The following PGF variants were observed in gnomAD, a reference collection of about 807,000 sequenced individuals.
PGF encodes the protein placenta growth factor.
A neutral mutation model predicts 25.3 loss-of-function variants in PGF; 11 were observed. The ratio of observed to expected loss-of-function variants is 0.43; its 90% CI spans 0.27 to 0.72. PGF has a LOEUF of 0.72. Among genes scored for constraint, PGF ranks in the 30% least tolerant of loss-of-function variants. The pLI is 0.18. For missense variants in PGF, 230 were observed against 234.9 expected (o/e 0.98, Z 0.14); for synonymous variants, 105 against 97.9 (o/e 1.07, Z -0.43).
At chr14:74,942,839 A>G (rs1163795690) in intron 6 of PGF, 106 bp from the exon 7 acceptor site, 2 of 1,043,768 alleles carry the variant, frequency 1.9e-6, no homozygotes, top group Non-Finnish European at 2.8e-6. Context: ...TTGGGCAGGG[A>G]GCATGGGGAG....
Position 74,953,760 on chromosome 14 carries a change from C to A in PGF, c.118+144G>T. On this transcript the variant is annotated intron_variant, in intron 2 of 6. Transcript: ENST00000555567. The surrounding 1 kb of genome is among the most constrained non-coding windows in gnomAD (Gnocchi z 5.4). ...CATGAGGGGATCTCTTAGGCCCTGCCAAAGTCATCACCCAGCATGTCTAGC... is the reference window on the plus strand; with the variant it reads ...CATGAGGGGATCTCTTAGGCCCTGCAAAAGTCATCACCCAGCATGTCTAGC... 1 of 848,634 alleles carries A rather than the reference C, an allele frequency of 1.2e-6. No individual in the cohort carries two copies. Among genetic ancestry groups the A allele is most frequent in the Non-Finnish European group, 2.0e-6 (1 of 500,632 alleles). The allele number at this position is 848,634 out of a possible 1,614,324, so 52.6% of individuals were successfully genotyped here.
intron 2 of PGF, among the ~76,000 whole-genome samples, chr14:74,951,967 G>A (rs865930220): frequency 6.6e-6 from 1 of 152,304 alleles, no homozygotes; most frequent in African/African-American, 2.4e-5. Context: ...CTGCTCAGCT[G>A]TCCCCGAGAG....
rs1318375038 is a variant in PGF at position 74,950,162 on chromosome 14, A to T, written c.119-609T>A. On this transcript the variant is annotated intron_variant, in intron 2 of 6. Transcript: ENST00000555567. This position sits in a 1 kb window ranked among gnomAD's most constrained non-coding sequence, Gnocchi z 4.1. Reference sequence around the variant, plus strand: ...CTGGCTTGTGCACTCTGCAGCCCGTACAGCTGCTCTTCTTCCCCCTCCTCT... The same window carrying T: ...CTGGCTTGTGCACTCTGCAGCCCGTTCAGCTGCTCTTCTTCCCCCTCCTCT... 6.6e-6 allele frequency among the ~76,000 whole-genome samples: 1 copy of T among 151,912 alleles called. No individual in the cohort carries two copies. The highest frequency in any genetic ancestry group is 1.5e-5 in the Non-Finnish European group (1 of 68,008).
At chr14:74,946,809 C>T (rs952553142) in intron 4 of PGF, 2 of 734,920 alleles carry the variant, frequency 2.7e-6, no homozygotes, top group African/African-American at 1.7e-5. Context: ...GATGGCCAGA[C>T]AGCGGACTGG....
intron 3 of PGF, 140 bp from the exon 4 acceptor site, chr14:74,948,723 T>C: frequency 1.9e-6 from 1 of 523,516 alleles, no homozygotes; most frequent in Non-Finnish European, 3.4e-6. Context: ...ACTCTGAACG[T>C]GGGGCAAACA....
chr14:74,943,992 T>C (rs1270041422), intron 6 of PGF, among the ~76,000 whole-genome samples: 2 of 151,674 alleles, frequency 1.3e-5, no homozygotes, highest in Admixed American at 6.6e-5. Context: ...TAGGCTGAAA[T>C]TCTTGGGGGT....
Position 74,955,236 on chromosome 14 carries a change from C to T in PGF, c.7G>A (p.Val3Ile), listed in dbSNP as rs1888960651. The T allele has an allele frequency of 2.0e-6, 3 of 1,473,000 alleles. No individual in the cohort carries two copies. The highest frequency in any genetic ancestry group is 2.7e-6 in the Non-Finnish European group (3 of 1,103,336). 91.2% of individuals were successfully genotyped at this position (1,473,000 alleles called of 1,614,324 possible). A position where few individuals can be genotyped will look rare whatever the true frequency, so the allele number is the denominator to read the frequency against. ...AGGAAGCAAGGGAACAGCCTCATGACCGGCATCTTCTCAGACGTCCCGAGC... is the reference window on the plus strand; with the variant it reads ...AGGAAGCAAGGGAACAGCCTCATGATCGGCATCTTCTCAGACGTCCCGAGC... Reference protein sequence around the residue: MPVMRLFPCFLQL... With the variant: MPIMRLFPCFLQL... Residue 3 changes from valine (V) to isoleucine (I), a missense_variant, in exon 1 of 7, where the codon GTC (valine) becomes ATC (isoleucine). Val to Ile is a conservative substitution (Grantham distance 29, BLOSUM62 3). Coordinates refer to ENST00000555567, the MANE Select transcript of PGF (RefSeq NM_002632.6). This position sits in a 1 kb window ranked among gnomAD's most constrained non-coding sequence, Gnocchi z 4.1.
At chr14:74,951,537 C>G (rs1888871817) in intron 2 of PGF, among the ~76,000 whole-genome samples, 1 of 152,242 alleles carries the variant, frequency 6.6e-6, no homozygotes, top group Admixed American at 6.5e-5. Flanking sequence ...GCCCTGGGAC[C>G]AGCCGTCAGC....
At chr14:74,946,745 T>C (rs1208532176) in intron 4 of PGF, 1 of 702,106 alleles carries the variant, frequency 1.4e-6, no homozygotes, top group Non-Finnish European at 2.6e-6. Context: ...TCTTTGCTGC[T>C]TTTTTCCGTT....
chr14:74,951,497 G>A (rs1415422737), intron 2 of PGF, among the ~76,000 whole-genome samples: 1 of 152,226 alleles, frequency 6.6e-6, no homozygotes, highest in Non-Finnish European at 1.5e-5. Context: ...ATAATGAGCT[G>A]CCAAAGCACC....
In PGF at chr14:74,942,127, G is replaced by C. The variant is rs1245776104; in HGVS notation, c.*579C>G. The C allele has an allele frequency of 1.3e-5, 2 of 156,454 alleles. No homozygotes were observed. Among genetic ancestry groups the C allele is most frequent in the African/African-American group, 4.8e-5 (2 of 41,484 alleles). The allele number at this position is 156,454 out of a possible 1,614,324, so 9.7% of individuals were successfully genotyped here. On this transcript the variant is annotated 3_prime_UTR_variant, in exon 7 of 7. Transcript: ENST00000555567. ...TGTCCCAGTACAAGCAAATGGCAAA[G>C]TGTGAGGGGAGATCACGGGGGACAA...
intron 1 of PGF, among the ~76,000 whole-genome samples, chr14:74,954,726 TG>T (rs1231557618): frequency 6.6e-6 from 1 of 151,814 alleles, no homozygotes. Context: ...TGAGCCCTGG[TG>T]GGGGCAGGGC....
chr14:74,944,228 G>A (rs902911141), intron 6 of PGF, among the ~76,000 whole-genome samples: 16 of 151,162 alleles, frequency 1.1e-4, no homozygotes, highest in African/African-American at 3.4e-4. Flanking sequence ...TCAGCCTCCC[G>A]AGTAGCTGGG....
At chr14:74,946,872 G>C in intron 4 of PGF, 1 of 760,940 alleles carries the variant, frequency 1.3e-6, no homozygotes, top group South Asian at 1.4e-5. Flanking sequence ...GGGAGTGAGC[G>C]ACGGGGTGGG....
chr14:74,944,190 C>T (rs1282919341), intron 6 of PGF, among the ~76,000 whole-genome samples: 2 of 150,468 alleles, frequency 1.3e-5, no homozygotes, highest in Admixed American at 6.6e-5. Flanking sequence ...GCAAGTTCCG[C>T]CTCCCGGGTT....
chr14:74,942,424 G>A lies in PGF; in HGVS notation c.*282C>T, dbSNP rs562803767. 2.3e-6 allele frequency: 1 copy of A among 442,212 alleles called. No homozygotes were observed. The highest frequency in any genetic ancestry group is 2.4e-5 in the South Asian group (1 of 41,438). 27.4% of individuals were successfully genotyped at this position (442,212 alleles called of 1,614,324 possible). ...GCCCCTGGAGACCTCCAGGGCCTCT[G>A]GGGCCTAGCTTGCCCCTCACGAGGC... is the stretch of plus-strand genomic sequence containing the variant. On this transcript the variant is annotated 3_prime_UTR_variant, in exon 7 of 7. Transcript: ENST00000555567.
At position 74,949,573 on chromosome 14, in the gene PGF, C is replaced by T. The variant is rs758652021; in HGVS notation, c.119-20G>A. On this transcript the variant is annotated intron_variant, in intron 2 of 6. Coordinates refer to ENST00000555567, the MANE Select transcript of PGF (RefSeq NM_002632.6). ...GTACCACTGCGAGGAAGCAAGGGGG[C>T]TGGGTCAGGCCAGCAGAGACCTGCC... 3.9e-6 allele frequency: 6 copies of T among 1,532,848 alleles called. No homozygotes were observed. In the South Asian group the frequency reaches 7.6e-5, roughly 19 times the overall value. 95.0% of individuals were successfully genotyped at this position (1,532,848 alleles called of 1,614,324 possible).
chr14:74,946,339 A>G, intron 5 of PGF, 40 bp downstream of exon 5: 1 of 1,613,980 alleles, frequency 6.2e-7, no homozygotes, highest in South Asian at 1.1e-5. Context: ...AGAGGCTGGC[A>G]GGCCCGAGAA....
chr14:74,942,373 C>T lies in PGF; in HGVS notation c.*333G>A, dbSNP rs1888621212. 2 of 320,322 alleles carry T rather than the reference C, an allele frequency of 6.2e-6. No individual in the cohort carries two copies. The highest frequency in any genetic ancestry group is 3.2e-5 in the South Asian group (1 of 31,628). 19.8% of individuals were successfully genotyped at this position (320,322 alleles called of 1,614,324 possible). A position where few individuals can be genotyped will look rare whatever the true frequency, so the allele number is the denominator to read the frequency against. On this transcript the variant is annotated 3_prime_UTR_variant, in exon 7 of 7. Coordinates refer to ENST00000555567, the MANE Select transcript of PGF (RefSeq NM_002632.6). ...GAGCCTGAGGCCCAAGAACAGGTAG[C>T]AGGGCCCCCTTCTTTCCTTCTGCAG...
Sources: gnomAD v4.1 joint callset for allele counts (sites outside exome capture counted in the v4.1 genomes callset) on GRCh38, gnomAD v4.1.1 for gene constraint, Gnocchi (gnomAD v3.1) non-coding constraint, MANE v1.5 for transcripts, NCBI Gene and HGNC (gene_info 2026-07-23, HGNC 2026-07-21) for gene names.